Variants in LRP8 observed in about 807,000 individuals in gnomAD.
The protein encoded by LRP8 is LDL receptor related protein 8.
In LRP8, 46 loss-of-function variants were observed where a neutral mutation model predicts 111.6. That is an observed-to-expected ratio of 0.41 (90% CI 0.33 to 0.53). The LOEUF (loss-of-function observed/expected upper bound fraction) is 0.53. Among genes scored for constraint, LRP8 ranks in the 20% least tolerant of loss-of-function variants. The pLI is 0.20. For synonymous variants in LRP8, 464 were observed against 511.2 expected, an observed-to-expected ratio of 0.91 and a Z score of 1.24; for missense variants, 959 against 1,297.4, an observed-to-expected ratio of 0.74 and a Z score of 4.01.
rs1645734765 is a variant in LRP8 at position 53,246,634 on chromosome 1, T to TA, written c.*383dup. On this transcript the variant is annotated 3_prime_UTR_variant, in exon 19 of 19. Transcript: ENST00000306052. ...TACAAAAAACAAATGCCCCAAAACC[T>TA]AAAAAAGCCCCCCCAGCAACCAAAC... The TA allele has an allele frequency of 6.3e-6, 1 of 159,254 alleles. No individual in the cohort carries two copies. Among genetic ancestry groups the TA allele is most frequent in the Admixed American group, 6.7e-5 (1 of 15,020 alleles). 9.9% of individuals were successfully genotyped at this position (159,254 alleles called of 1,614,324 possible). A position where few individuals can be genotyped will look rare whatever the true frequency, so the allele number is the denominator to read the frequency against.
Position 53,246,810 on chromosome 1 carries a change from A to G in LRP8, c.*208T>C, listed in dbSNP as rs763472136. On this transcript the variant is annotated 3_prime_UTR_variant, in exon 19 of 19. Coordinates refer to ENST00000306052, the MANE Select transcript of LRP8 (RefSeq NM_004631.5). The stretch of plus-strand genomic sequence containing the variant: ...TTAAAAAGTGTATAAAACATTATAC[A>G]TAGAAAAACTCTCACATCCTTTGGA... 66 of 564,038 alleles carry G rather than the reference A, an allele frequency of 1.2e-4. 1 individual carries two copies. The South Asian group carries it at 1.3e-3, about 11-fold the overall frequency. 34.9% of individuals were successfully genotyped at this position (564,038 alleles called of 1,614,324 possible). A position where few individuals can be genotyped will look rare whatever the true frequency, so the allele number is the denominator to read the frequency against.
chr1:53,316,271 T>A (rs536814465), intron 2 of LRP8, among the ~76,000 whole-genome samples: 1 of 152,066 alleles, frequency 6.6e-6, no homozygotes, highest in African/African-American at 2.4e-5. Context: ...GCTGGCCTGA[T>A]GTACCACTTG....
rs1651305344 is a variant in LRP8, at chr1:53,303,202, G to A, written c.245-13513C>T. Among the ~76,000 whole-genome samples the A allele has an allele frequency of 6.6e-6, 1 of 152,196 alleles. No individual in the cohort carries two copies. Among genetic ancestry groups the A allele is most frequent in the East Asian group, 1.9e-4 (1 of 5,192 alleles). The stretch of plus-strand genomic sequence containing the variant: ...CTACAGGGACTTTGGGGAGAGCTGG[G>A]TTGCCTCCCCGTTCGAATGGGAGAG... On this transcript the variant is annotated intron_variant, in intron 2 of 18. Coordinates refer to ENST00000306052, the MANE Select transcript of LRP8 (RefSeq NM_004631.5). This position sits in a 1 kb window ranked among gnomAD's most constrained non-coding sequence, Gnocchi z 4.3.
At chr1:53,324,362 T>C (rs1003794525) in intron 2 of LRP8, among the ~76,000 whole-genome samples, 2 of 152,154 alleles carry the variant, frequency 1.3e-5, no homozygotes, top group African/African-American at 4.8e-5. Context: ...CCACTCCGTT[T>C]CTTCAGTTTC....
At chr1:53,260,670 G>C in intron 12 of LRP8, 65 bp from the exon 13 acceptor site, 5 of 1,544,870 alleles carry the variant, frequency 3.2e-6, no homozygotes, top group Non-Finnish European at 4.4e-6. Flanking sequence ...AGTCTGAGGG[G>C]TTGGCCCCAA....
At chr1:53,278,893 G>C (rs1230547330) in intron 4 of LRP8, among the ~76,000 whole-genome samples, 3 of 150,640 alleles carry the variant, frequency 2.0e-5, no homozygotes, top group Non-Finnish European at 3.0e-5. Flanking sequence ...TCAGCCTCCT[G>C]AGTAGCCACC....
chr1:53,252,143 G>A (rs1331564403), intron 16 of LRP8, among the ~76,000 whole-genome samples: 1 of 151,908 alleles, frequency 6.6e-6, no homozygotes, highest in Non-Finnish European at 1.5e-5. Context: ...CTTAAGAGAA[G>A]CTGGTGAAAA....
chr1:53,298,157 C>T (rs1650097471), intron 2 of LRP8, among the ~76,000 whole-genome samples: 1 of 152,194 alleles, frequency 6.6e-6, no homozygotes, highest in Non-Finnish European at 1.5e-5. Context: ...CCAGTACATC[C>T]CAGCTGCTCT....
chr1:53,320,467 T>C (rs562506436), intron 2 of LRP8, among the ~76,000 whole-genome samples: 1 of 152,288 alleles, frequency 6.6e-6, no homozygotes, highest in East Asian at 1.9e-4. Context: ...TAGTTTCACC[T>C]TTCTAAGCCT....
chr1:53,322,234 T>C (rs1572700891), intron 2 of LRP8, among the ~76,000 whole-genome samples: 1 of 152,108 alleles, frequency 6.6e-6, no homozygotes, highest in East Asian at 1.9e-4. Context: ...TCACAACCAT[T>C]CATCCAGGAG....
At chr1:53,247,613 C>A (rs957251727) in intron 18 of LRP8, among the ~76,000 whole-genome samples, 2 of 152,212 alleles carry the variant, frequency 1.3e-5, no homozygotes, top group Non-Finnish European at 2.9e-5. Context: ...TGCTAGACTC[C>A]TGTCTGCCAA....
rs1044868067 is a variant in LRP8, at chr1:53,262,236, A to G, written c.1775-29T>C. ...GGGAAGGAAGCAGGATCAGGTCATG[A>G]ACCTGGGACCCCAGTCTGGAGCTCT... On this transcript the variant is annotated intron_variant, in intron 11 of 18. Transcript: ENST00000306052. The surrounding 1 kb of genome is among the most constrained non-coding windows in gnomAD (Gnocchi z 4.8). 15 of 1,611,582 alleles carry G rather than the reference A, an allele frequency of 9.3e-6. No homozygotes were observed. Among genetic ancestry groups the G allele is most frequent in the African/African-American group, 1.3e-5 (1 of 74,838 alleles).
intron 2 of LRP8, among the ~76,000 whole-genome samples, chr1:53,321,853 C>T (rs2100549072): frequency 6.6e-6 from 1 of 152,246 alleles, no homozygotes; most frequent in Non-Finnish European, 1.5e-5. Flanking sequence ...CCTCTAGGAC[C>T]AGCACACAGC....
intron 16 of LRP8, 68 bp downstream of exon 16, chr1:53,255,049 G>A (rs1003965374): frequency 1.3e-6 from 2 of 1,530,306 alleles, no homozygotes; most frequent in Non-Finnish European, 1.8e-6. Flanking sequence ...TCTCTACCCT[G>A]CTAGCGCTCT....
Position 53,255,105 on chromosome 1 carries a change from G to A in LRP8, c.2503+12C>T, listed in dbSNP as rs760687703. ...CTCTCTTTTCTCTTCAGTGACTGGG[G>A]GCCACACTCACCTATGGGCACGATG... is the stretch of plus-strand genomic sequence containing the variant. On this transcript the variant is annotated intron_variant, in intron 16 of 18. Transcript: ENST00000306052. 15 of 1,612,742 alleles carry A rather than the reference G, an allele frequency of 9.3e-6. No homozygotes were observed. The highest frequency in any genetic ancestry group is 1.1e-5 in the Non-Finnish European group (13 of 1,179,752).
chr1:53,257,169 C>T (rs1216338258), intron 15 of LRP8, 71 bp downstream of exon 15: 1 of 1,415,700 alleles, frequency 7.1e-7, no homozygotes, highest in Non-Finnish European at 9.9e-7. Context: ...TCTGTCTTAT[C>T]ACATACCCCC....
Position 53,242,839 on chromosome 1 carries a change from AT to A in LRP8, c.*4178del, listed in dbSNP as rs1230418649. On this transcript the variant is annotated 3_prime_UTR_variant, in exon 19 of 19. Coordinates refer to ENST00000306052, the MANE Select transcript of LRP8 (RefSeq NM_004631.5). ...AAGTATCAAAACCTTGGCTTTAAAT[AT>A]ATATATATATATATATATACACACA... 1.2e-4 allele frequency: 10 copies of A among 81,978 alleles called. No homozygotes were observed. Among genetic ancestry groups the A allele is most frequent in the Non-Finnish European group, 2.5e-4 (9 of 36,412 alleles). The allele number at this position is 81,978 out of a possible 1,614,324, so 5.1% of individuals were successfully genotyped here.
intron 2 of LRP8, among the ~76,000 whole-genome samples, chr1:53,315,811 C>A (rs1475520239): frequency 6.6e-6 from 1 of 152,138 alleles, no homozygotes; most frequent in East Asian, 1.9e-4. Flanking sequence ...ATGTTGGGGA[C>A]AAGGTGAGGC....
intron 2 of LRP8, among the ~76,000 whole-genome samples, chr1:53,324,875 G>A (rs1031242059): frequency 1.1e-4 from 16 of 152,198 alleles, no homozygotes; most frequent in African/African-American, 3.9e-4. Context: ...TGAACTCGAG[G>A]CAGGCAGAGA....
Sources: allele counts gnomAD v4.1 joint callset (sites outside exome capture counted in the v4.1 genomes callset), GRCh38; gene constraint gnomAD v4.1.1; non-coding constraint Gnocchi (gnomAD v3.1); transcripts MANE v1.5; gene names NCBI Gene and HGNC (gene_info 2026-07-23, HGNC 2026-07-21).